Variants in CIP2A observed in about 807,000 individuals in gnomAD.
CIP2A encodes the protein protein CIP2A.
CIP2A carries 103 observed loss-of-function variants against 110.9 expected under a neutral mutation model. The observed-to-expected ratio is 0.93, with a 90% confidence interval of 0.79 to 1.09. CIP2A has a LOEUF of 1.09. CIP2A is among the 50% of genes least tolerant of loss of function. CIP2A has a pLI of 0.00. For missense variants in CIP2A, 1,088 were observed against 1,038.4 expected, an observed-to-expected ratio of 1.05 and a Z score of -0.66; for synonymous variants, 381 against 361.6, an observed-to-expected ratio of 1.05 and a Z score of -0.61.
chr3:108,575,419 TACATGTATAC>T (rs1169692124), intron 8 of CIP2A, among the ~76,000 whole-genome samples: 6 of 95,524 alleles, frequency 6.3e-5, no homozygotes, highest in Non-Finnish European at 1.5e-4. Context: ...TGTATACATA[TACATGTATAC>T]ATACACATAC....
intron 16 of CIP2A, among the ~76,000 whole-genome samples, chr3:108,558,626 T>A (rs73850527): frequency 0.039 from 5,924 of 152,080 alleles, 394 homozygotes; most frequent in African/African-American, 0.13. Flanking sequence ...TAAGCGTAGG[T>A]TTGATACACA....
intron 14 of CIP2A, 53 bp from the exon 15 acceptor site, chr3:108,560,081 A>G (rs1400199917): frequency 6.8e-6 from 7 of 1,032,298 alleles, no homozygotes; most frequent in African/African-American, 1.6e-5. Flanking sequence ...TTTTGACACA[A>G]TGACAAAATA....
At chr3:108,561,309 C>A (rs546504851) in intron 13 of CIP2A, among the ~76,000 whole-genome samples, 1 of 152,140 alleles carries the variant, frequency 6.6e-6, no homozygotes, top group South Asian at 2.1e-4. Context: ...ATCTGGAACA[C>A]GCTTTCTACC....
At chr3:108,551,508 T>C (rs1055842476) in intron 20 of CIP2A, among the ~76,000 whole-genome samples, 189 bp from the exon 21 acceptor site, 5 of 152,148 alleles carry the variant, frequency 3.3e-5, no homozygotes, top group African/African-American at 1.2e-4. Flanking sequence ...CATTAAACAA[T>C]ATAATACAAA....
intron 19 of CIP2A, among the ~76,000 whole-genome samples, chr3:108,553,264 C>G (rs571753686): frequency 6.7e-6 from 1 of 150,316 alleles, no homozygotes; most frequent in Non-Finnish European, 1.5e-5. Context: ...GTAGCTGGAA[C>G]TACAGGTGCA....
At chr3:108,551,736 T>C (rs1197115651) in intron 20 of CIP2A, among the ~76,000 whole-genome samples, 3 of 152,072 alleles carry the variant, frequency 2.0e-5, no homozygotes, top group African/African-American at 7.2e-5. Flanking sequence ...TTCCTGGTAG[T>C]AAACGGGCCA....
At chr3:108,558,615 A>G (rs1181199963) in intron 16 of CIP2A, among the ~76,000 whole-genome samples, 1 of 152,132 alleles carries the variant, frequency 6.6e-6, no homozygotes. Flanking sequence ...TTATTAAGAG[A>G]TAAGCGTAGG....
Position 108,579,561 on chromosome 3 carries a change from T to C in CIP2A, c.672+5A>G, listed in dbSNP as rs1289108989. 2 of 1,579,972 alleles carry C rather than the reference T, an allele frequency of 1.3e-6. No homozygotes were observed. The highest frequency in any genetic ancestry group is 1.7e-6 in the Non-Finnish European group (2 of 1,163,152). The stretch of plus-strand genomic sequence containing the variant: ...TTCAGAATAAATTTGAAAAATTGTA[T>C]TTACCTTTTCCCCCACCTCTTCATT... On this transcript the variant is annotated splice_donor_5th_base_variant and intron_variant, in intron 6 of 20. Coordinates refer to ENST00000295746, the MANE Select transcript of CIP2A (RefSeq NM_020890.3).
At chr3:108,578,363 G>A (rs1050545853) in intron 7 of CIP2A, among the ~76,000 whole-genome samples, 2 of 152,140 alleles carry the variant, frequency 1.3e-5, no homozygotes, top group Non-Finnish European at 2.9e-5. Context: ...AAGGCACTCT[G>A]GAAGAAAAAG....
chr3:108,574,978 G>C (rs927492713), intron 8 of CIP2A: 6 of 152,426 alleles, frequency 3.9e-5, no homozygotes, highest in South Asian at 2.1e-4. Context: ...CATGGCGGCT[G>C]AGAAGTGGCT....
chr3:108,563,101 T>C, intron 13 of CIP2A, 25 bp downstream of exon 13: 1 of 1,431,762 alleles, frequency 7.0e-7, no homozygotes, highest in Non-Finnish European at 9.9e-7. Flanking sequence ...CCACAAGAGA[T>C]ACACTGCAAA....
chr3:108,588,530 T>C (rs1384799227), intron 1 of CIP2A, among the ~76,000 whole-genome samples: 2 of 152,170 alleles, frequency 1.3e-5, no homozygotes, highest in Non-Finnish European at 2.9e-5. Context: ...TGTTCAATTC[T>C]ACCTTAACAG....
At position 108,579,620 on chromosome 3, in the gene CIP2A, C is replaced by A; in HGVS notation, c.618G>T (p.Val206=). The A allele has an allele frequency of 6.2e-7, 1 of 1,605,404 alleles. No homozygotes were observed. Among genetic ancestry groups the A allele is most frequent in the Non-Finnish European group, 8.5e-7 (1 of 1,174,784 alleles). The change falls in exon 6 of 21, where the codon GTG becomes GTT. Residue 206 remains valine, a synonymous_variant. Coordinates refer to ENST00000295746, the MANE Select transcript of CIP2A (RefSeq NM_020890.3). ...LLAHSSLTVV[V]FALSILSSLT... is the part of the protein sequence containing the mutation. The stretch of plus-strand genomic sequence containing the variant: ...AACTGGATAATATTGAAAGTGCAAA[C>A]ACAACCACAGTTAAACTACTATGGG...
intron 9 of CIP2A, among the ~76,000 whole-genome samples, chr3:108,569,168 C>CTCTATATATATATATATATATATA (rs1553694601): frequency 9.0e-5 from 1 of 11,086 alleles, no homozygotes; most frequent in African/African-American, 2.1e-4. Context: ...GAAATGAGCA[C>CTCTATATATATATATATATATATA]TATATATATA....
At chr3:108,579,956 A>G (rs1938807594) in intron 5 of CIP2A, among the ~76,000 whole-genome samples, 2 of 152,224 alleles carry the variant, frequency 1.3e-5, no homozygotes, top group Non-Finnish European at 2.9e-5. Flanking sequence ...ATATTTCCAA[A>G]GTTTTGTCAC....
intron 5 of CIP2A, among the ~76,000 whole-genome samples, chr3:108,580,436 AACACACAC>A (rs375166090): frequency 0.037 from 5,300 of 142,240 alleles, 318 homozygotes; most frequent in African/African-American, 0.13. Flanking sequence ...CAGAAATTGA[AACACACAC>A]ACACACACAC....
At chr3:108,565,000 C>T (rs1306177316) in intron 12 of CIP2A, among the ~76,000 whole-genome samples, 2 of 151,832 alleles carry the variant, frequency 1.3e-5, no homozygotes, top group African/African-American at 4.8e-5. Context: ...CCTACATCAA[C>T]CCTAACCAAA....
chr3:108,552,083 C>A, intron 20 of CIP2A, 151 bp downstream of exon 20: 2 of 543,686 alleles, frequency 3.7e-6, no homozygotes, highest in South Asian at 5.5e-5. Flanking sequence ...ATTATGAAAA[C>A]CTCATAACAA....
intron 19 of CIP2A, 51 bp downstream of exon 19, chr3:108,553,597 C>A: frequency 6.8e-7 from 1 of 1,476,328 alleles, no homozygotes; most frequent in Non-Finnish European, 9.2e-7. Context: ...CTCATGCTTC[C>A]AAAATAAATA....
Sources: gnomAD v4.1 joint callset for allele counts (sites outside exome capture counted in the v4.1 genomes callset) on GRCh38, gnomAD v4.1.1 for gene constraint, MANE v1.5 for transcripts, NCBI Gene and HGNC (gene_info 2026-07-23, HGNC 2026-07-21) for gene names.